Variants in VWC2L observed in about 807,000 individuals in gnomAD.
VWC2L encodes von Willebrand factor C domain-containing protein 2-like.
In VWC2L, 10 loss-of-function variants were observed where a neutral mutation model predicts 21.6. The observed-to-expected ratio is 0.46, with a 90% confidence interval of 0.29 to 0.78. The LOEUF (loss-of-function observed/expected upper bound fraction) is 0.78. Ranked by LOEUF, VWC2L falls within the 30% of genes least tolerant of loss-of-function variation. The pLI is 0.10. For missense variants in VWC2L, 209 were observed against 277.1 expected, an observed-to-expected ratio of 0.75 and a Z score of 1.74; for synonymous variants, 96 against 94.3, an observed-to-expected ratio of 1.02 and a Z score of -0.10.
intron 2 of VWC2L, among the ~76,000 whole-genome samples, chr2:214,432,993 G>A (rs1702622356): frequency 6.7e-6 from 1 of 150,120 alleles, no homozygotes. Context: ...CTGCACTCCA[G>A]TCTGGGCAAC....
intron 2 of VWC2L, among the ~76,000 whole-genome samples, chr2:214,416,679 T>A (rs1230066801): frequency 2.0e-5 from 3 of 152,104 alleles, no homozygotes; most frequent in Non-Finnish European, 4.4e-5. Flanking sequence ...TCAGATAGAC[T>A]TGGATTCGAA....
At chr2:214,487,219 C>A (rs193054236) in intron 3 of VWC2L, among the ~76,000 whole-genome samples, 1 of 151,892 alleles carries the variant, frequency 6.6e-6, no homozygotes, top group East Asian at 1.9e-4. Context: ...TTTAAGTGAC[C>A]AGTACGTGTT....
intron 3 of VWC2L, among the ~76,000 whole-genome samples, chr2:214,563,489 A>G (rs1439240109): frequency 1.4e-5 from 2 of 147,530 alleles, no homozygotes; most frequent in Non-Finnish European, 3.0e-5. Flanking sequence ...AGAGCTTGCA[A>G]TGAGCCGAGA....
At chr2:214,421,910 G>C (rs1244656779) in intron 2 of VWC2L, among the ~76,000 whole-genome samples, 1 of 5,294 alleles carries the variant, frequency 1.9e-4, no homozygotes, top group Non-Finnish European at 4.5e-4. Context: ...TTTTTTTTTT[G>C]AGACGGAGTT....
chr2:214,523,215 T>C (rs1428238449), intron 3 of VWC2L, among the ~76,000 whole-genome samples: 1 of 152,198 alleles, frequency 6.6e-6, no homozygotes, highest in Non-Finnish European at 1.5e-5. Context: ...TGTGACAACA[T>C]GAATCAATGC....
At chr2:214,420,251 G>C (rs1702419660) in intron 2 of VWC2L, among the ~76,000 whole-genome samples, 1 of 152,106 alleles carries the variant, frequency 6.6e-6, no homozygotes, top group South Asian at 2.1e-4. Context: ...AATTAAATCT[G>C]TAAAAACGTT....
chr2:214,444,670 T>A (rs541279651), intron 3 of VWC2L, among the ~76,000 whole-genome samples: 2 of 151,964 alleles, frequency 1.3e-5, no homozygotes, highest in Non-Finnish European at 2.9e-5. Context: ...TTTTAACCAA[T>A]GTGCTATTGG....
chr2:214,536,975 TAC>T (rs66826019), intron 3 of VWC2L: 63,204 of 149,644 alleles, frequency 0.42, 13,603 homozygotes, highest in Non-Finnish European at 0.49. Context: ...AATTATTTCC[TAC>T]ACACACACAC....
intron 3 of VWC2L, among the ~76,000 whole-genome samples, chr2:214,456,983 A>T (rs552491236): frequency 1.3e-5 from 2 of 151,944 alleles, no homozygotes; most frequent in African/African-American, 2.4e-5. Flanking sequence ...TAACTTTTTA[A>T]TTTATTTTGA....
intron 3 of VWC2L, among the ~76,000 whole-genome samples, chr2:214,539,468 A>G (rs1689592970): frequency 1.3e-5 from 2 of 152,174 alleles, no homozygotes; most frequent in East Asian, 3.9e-4. Flanking sequence ...AATTTGGAAA[A>G]AAATAAATGC....
At position 214,414,587 on chromosome 2, in the gene VWC2L, T is replaced by C; in HGVS notation, c.390+4T>C. ...CAAAATCTTGGAGGAATTTAAGGTA[T>C]GCGTTACCCTCCATATTTATTGAAA... On this transcript the variant is annotated splice_donor_region_variant and intron_variant, in intron 2 of 3. Transcript: ENST00000312504. 5 of 1,609,644 alleles carry C rather than the reference T, an allele frequency of 3.1e-6. No homozygotes were observed. The highest frequency in any genetic ancestry group is 4.2e-6 in the Non-Finnish European group (5 of 1,178,802).
At chr2:214,428,829 A>T (rs949714971) in intron 2 of VWC2L, among the ~76,000 whole-genome samples, 1 of 151,728 alleles carries the variant, frequency 6.6e-6, no homozygotes, top group Non-Finnish European at 1.5e-5. Context: ...AAAAAAAAAA[A>T]AAAAAGGAGT....
chr2:214,456,970 T>C (rs1703067860), intron 3 of VWC2L, among the ~76,000 whole-genome samples: 1 of 152,130 alleles, frequency 6.6e-6, no homozygotes, highest in South Asian at 2.1e-4. Flanking sequence ...GTTTTGGTTA[T>C]TATAACTTTT....
chr2:214,533,770 A>G lies in VWC2L; in HGVS notation c.521-41902A>G, dbSNP rs1172743472. ...CCGAATAAAGAAAAGGTTTTAGGAA[A>G]TGCTCACAACCTTGCCTTGAATTAT... On this transcript the variant is annotated intron_variant, in intron 3 of 3. Transcript: ENST00000312504. Among the ~76,000 whole-genome samples the G allele has an allele frequency of 2.6e-5, 4 of 152,114 alleles. No homozygotes were observed. In the East Asian group the frequency reaches 7.7e-4, roughly 29 times the overall value.
chr2:214,493,071 A>C (rs1239558044), intron 3 of VWC2L, among the ~76,000 whole-genome samples: 1 of 152,246 alleles, frequency 6.6e-6, no homozygotes, highest in Non-Finnish European at 1.5e-5. Context: ...TTACATTCCT[A>C]ATATGGGGTA....
intron 3 of VWC2L, among the ~76,000 whole-genome samples, chr2:214,538,988 G>C (rs1373765686): frequency 2.0e-5 from 3 of 152,102 alleles, no homozygotes; most frequent in Non-Finnish European, 4.4e-5. Flanking sequence ...CTTTTAAATT[G>C]CATCTATAGA....
chr2:214,460,569 A>G (rs1180678802), intron 3 of VWC2L, among the ~76,000 whole-genome samples: 2 of 151,956 alleles, frequency 1.3e-5, no homozygotes, highest in East Asian at 3.9e-4. Flanking sequence ...AGTTGAAGCT[A>G]TTGATGGTAT....
At chr2:214,482,319 C>T (rs957382703) in intron 3 of VWC2L, among the ~76,000 whole-genome samples, 9 of 152,054 alleles carry the variant, frequency 5.9e-5, no homozygotes, top group African/African-American at 2.2e-4. Context: ...CAACAAGCTT[C>T]CTCCTAAAAC....
At chr2:214,420,607 G>T (rs115300338) in intron 2 of VWC2L, among the ~76,000 whole-genome samples, 1 of 152,194 alleles carries the variant, frequency 6.6e-6, no homozygotes, top group Admixed American at 6.5e-5. Flanking sequence ...TAATAACAGA[G>T]AAATCAGTGG....
Sources: allele counts gnomAD v4.1 joint callset (sites outside exome capture counted in the v4.1 genomes callset), GRCh38; gene constraint gnomAD v4.1.1; transcripts MANE v1.5; gene names NCBI Gene and HGNC (gene_info 2026-07-23, HGNC 2026-07-21).